The following HHATL variants were observed in gnomAD, a reference collection of about 807,000 sequenced individuals.
HHATL encodes the protein protein-cysteine N-palmitoyltransferase HHAT-like protein.
In HHATL, 49 loss-of-function variants were observed where a neutral mutation model predicts 59.7. That is an observed-to-expected ratio of 0.82 (90% CI 0.65 to 1.04). The LOEUF (loss-of-function observed/expected upper bound fraction) is 1.04, where lower values mean the gene tolerates loss of function less well. HHATL is among the 50% of genes least tolerant of loss of function. HHATL has a pLI of 0.00. For synonymous variants in HHATL, 238 were observed against 257.3 expected, an observed-to-expected ratio of 0.93 and a Z score of 0.72; for missense variants, 605 against 650.8, an observed-to-expected ratio of 0.93 and a Z score of 0.77.
chr3:42,697,237 C>T, intron 7 of HHATL, 92 bp from the exon 8 acceptor site: 1 of 1,439,036 alleles, frequency 6.9e-7, no homozygotes. Flanking sequence ...GGGGAGACAC[C>T]AGGCTCTGCC....
chr3:42,699,791 C>T lies in HHATL; in HGVS notation c.141G>A (p.Val47=), dbSNP rs1697855043. ...GGCCAATGTACTCCCAGCCAGGTCG[C>T]ACAGACTCCCGGAAGGCCTTCCTGT... The part of the protein sequence containing the change: ...GAHRKAFRES[V]RPGWEYIGRK... The change falls in exon 3 of 12, where the codon GTG becomes GTA. Residue 47 remains valine (V), a synonymous_variant. Coordinates refer to ENST00000441594, the MANE Select transcript of HHATL (RefSeq NM_020707.4). 7.6e-6 allele frequency: 12 copies of T among 1,576,686 alleles called. No homozygotes were observed. The Admixed American group carries it at 1.8e-4, about 24-fold the overall frequency.
At chr3:42,693,848 G>A (rs866282337) in intron 9 of HHATL, 30 bp from the exon 10 acceptor site, 2 of 1,583,328 alleles carry the variant, frequency 1.3e-6, no homozygotes, top group Admixed American at 1.7e-5. Flanking sequence ...AGGGCCACTG[G>A]GAGTGTGGGA....
intron 7 of HHATL, among the ~76,000 whole-genome samples, 166 bp from the exon 8 acceptor site, chr3:42,697,311 G>T (rs909746400): frequency 5.3e-5 from 8 of 152,208 alleles, no homozygotes; most frequent in African/African-American, 1.7e-4. Context: ...GGTGGGGTCC[G>T]TGGGATGCTG....
In HHATL at chr3:42,698,139, C is replaced by T; in HGVS notation, c.693+3G>A. On this transcript the variant is annotated splice_donor_region_variant and intron_variant, in intron 6 of 11. Coordinates refer to ENST00000441594, the MANE Select transcript of HHATL (RefSeq NM_020707.4). ...TCTAGAAGCCCACAGGGTGTCCCCT[C>T]ACCTGAGCATGGAAGCGATCAAAGG... The T allele has an allele frequency of 6.2e-7, 1 of 1,613,934 alleles. No homozygotes were observed. The highest frequency in any genetic ancestry group is 8.5e-7 in the Non-Finnish European group (1 of 1,179,820).
At chr3:42,699,001 G>A (rs745445051) in intron 4 of HHATL, 31 bp downstream of exon 4, 3 of 1,611,872 alleles carry the variant, frequency 1.9e-6, no homozygotes, top group African/African-American at 2.7e-5. Flanking sequence ...GAGCTGGCAG[G>A]GAGAGGCTGG....
At chr3:42,700,164 CTGTGTG>C (rs10576105) in intron 2 of HHATL, among the ~76,000 whole-genome samples, 12 of 90,746 alleles carry the variant, frequency 1.3e-4, no homozygotes, top group East Asian at 6.8e-4. Context: ...GTCCAGGACT[CTGTGTG>C]TGTGTGTGTG....
In HHATL at chr3:42,693,444, A is replaced by C. The variant is rs1697443440; in HGVS notation, c.1248+173T>G. Reference sequence around the variant, plus strand: ...GGCCCAGGTGCTCCATTCCTCATAGAAGGGAGGGAGGGGCAGATTCCTACA... The same window carrying C: ...GGCCCAGGTGCTCCATTCCTCATAGCAGGGAGGGAGGGGCAGATTCCTACA... On this transcript the variant is annotated intron_variant, in intron 10 of 11. Transcript: ENST00000441594. 6.6e-6 allele frequency: 5 copies of C among 755,748 alleles called. No individual in the cohort carries two copies. The Middle Eastern group carries it at 1.9e-3, about 293-fold the overall frequency. The allele number at this position is 755,748 out of a possible 1,614,324, so 46.8% of individuals were successfully genotyped here. A position where few individuals can be genotyped will look rare whatever the true frequency, so the allele number is the denominator to read the frequency against.
intron 3 of HHATL, 107 bp from the exon 4 acceptor site, chr3:42,699,252 C>A: frequency 1.8e-6 from 1 of 553,780 alleles, no homozygotes; most frequent in Non-Finnish European, 3.2e-6. Flanking sequence ...TCCCAGCCTT[C>A]ATGTTCTTCT....
In HHATL at chr3:42,697,643, G is replaced by A. The variant is rs750724967; in HGVS notation, c.730C>T (p.Leu244=). The change falls in exon 7 of 12, where the codon CTG becomes TTG. Residue 244 remains leucine (L), a synonymous_variant. Coordinates refer to ENST00000441594, the MANE Select transcript of HHATL (RefSeq NM_020707.4). ...QVEPVRREGE[L]WHIRAQAGLS... is the part of the protein sequence containing the mutation. Reference sequence around the variant, plus strand: ...CCTGCCTGGGCTCGGATGTGCCACAGCTCACCCTCGCGTCTCACTGGCTCC... The same window carrying A: ...CCTGCCTGGGCTCGGATGTGCCACAACTCACCCTCGCGTCTCACTGGCTCC... 3 of 1,614,080 alleles carry A rather than the reference G, an allele frequency of 1.9e-6. No homozygotes were observed. Among genetic ancestry groups the A allele is most frequent in the Non-Finnish European group, 2.5e-6 (3 of 1,179,944 alleles).
intron 2 of HHATL, 135 bp from the exon 3 acceptor site, chr3:42,699,960 G>A: frequency 1.5e-6 from 1 of 667,540 alleles, no homozygotes; most frequent in Non-Finnish European, 2.7e-6. Flanking sequence ...CTTTGGTGCT[G>A]CATCTGCTTC....
chr3:42,693,954 G>T, intron 9 of HHATL, 136 bp from the exon 10 acceptor site: 1 of 684,974 alleles, frequency 1.5e-6, no homozygotes, highest in Non-Finnish European at 2.5e-6. Context: ...TCACGTAGCA[G>T]CTCCTCCTCC....
At chr3:42,699,566 G>A (rs1697841516) in intron 3 of HHATL, among the ~76,000 whole-genome samples, 192 bp downstream of exon 3, 1 of 152,198 alleles carries the variant, frequency 6.6e-6, no homozygotes, top group Admixed American at 6.5e-5. Context: ...TATTTCCCAA[G>A]TGAGCAGGGC....
chr3:42,702,303 G>A (rs924445926), intron 1 of HHATL, among the ~76,000 whole-genome samples: 2 of 152,188 alleles, frequency 1.3e-5, no homozygotes, highest in African/African-American at 2.4e-5. Flanking sequence ...CCTCCCACTC[G>A]CCACTTTCCA....
intron 2 of HHATL, among the ~76,000 whole-genome samples, chr3:42,700,067 G>A (rs532693263): frequency 5.5e-5 from 6 of 108,366 alleles, no homozygotes; most frequent in South Asian, 3.4e-4. Context: ...TGTGTGTGTC[G>A]GGGTCCAGGT....
intron 6 of HHATL, among the ~76,000 whole-genome samples, 182 bp from the exon 7 acceptor site, chr3:42,697,861 C>T (rs938523045): frequency 6.6e-6 from 1 of 152,076 alleles, no homozygotes; most frequent in Non-Finnish European, 1.5e-5. Context: ...CATGGGAGAC[C>T]CAGTTCTGTC....
rs1176978890 is a variant in HHATL at position 42,698,216 on chromosome 3, G to C, written c.619C>G (p.Leu207Val). The change falls in exon 6 of 12, where the codon CTG becomes GTG. Residue 207 changes from leucine (L) to valine (V), a missense_variant. Transcript: ENST00000441594. ...GGCAGGTAGAAGTTGTACTTGAGCA[G>C]GTCAGCTAAGGAGTAGTGGCGGTCA... ...HPDRHYSLADLLKYNFYLPFF... is the reference protein window; with the variant it reads ...HPDRHYSLADVLKYNFYLPFF... 6.2e-7 allele frequency: 1 copy of C among 1,614,220 alleles called. No homozygotes were observed. The highest frequency in any genetic ancestry group is 1.7e-5 in the Admixed American group (1 of 60,030).
chr3:42,697,523 G>A lies in HHATL; in HGVS notation c.850C>T (p.Pro284Ser), dbSNP rs867038504. 1 of 1,613,984 alleles carries A rather than the reference G, an allele frequency of 6.2e-7. No individual in the cohort carries two copies. ...GTGGACCCACCGAGGGCACTGTCTGGGAGGCGGTTGGCGAACTTGAGGTCG... is the reference window on the plus strand; with the variant it reads ...GTGGACCCACCGAGGGCACTGTCTGAGAGGCGGTTGGCGAACTTGAGGTCG... Reference protein sequence around the residue: ...PSDLKFANRLPDSALAGLAYS... With the variant: ...PSDLKFANRLSDSALAGLAYS... Residue 284 changes from proline to serine, a missense_variant, in exon 7 of 12, where the codon CCA becomes TCA. Transcript: ENST00000441594.
rs1186302428 is a variant in HHATL at position 42,697,605 on chromosome 3, C to T, written c.768G>A (p.Val256=). Residue 256 remains valine (V), a synonymous_variant, in exon 7 of 12, where the codon GTG becomes GTA. Transcript: ENST00000441594. ...AGAAGATGTCGACGGCCATGATGGC[C>T]ACCACGCTTAGGCCTGCCTGGGCTC... ...HIRAQAGLSV[V]AIMAVDIFFH... The T allele has an allele frequency of 6.2e-7, 1 of 1,614,130 alleles. No homozygotes were observed. Among genetic ancestry groups the T allele is most frequent in the South Asian group, 1.1e-5 (1 of 91,084 alleles).
chr3:42,696,509 CT>C (rs1218725647), intron 9 of HHATL, among the ~76,000 whole-genome samples: 1 of 152,172 alleles, frequency 6.6e-6, no homozygotes, highest in Non-Finnish European at 1.5e-5. Flanking sequence ...AACTGAAGCC[CT>C]CTCTGGAAAC....
Sources: allele counts gnomAD v4.1 joint callset (sites outside exome capture counted in the v4.1 genomes callset), GRCh38; gene constraint gnomAD v4.1.1; transcripts MANE v1.5; gene names NCBI Gene and HGNC (gene_info 2026-07-23, HGNC 2026-07-21).